TMEM154: variants seen among roughly 807,000 people sequenced by gnomAD.
The protein encoded by TMEM154 is transmembrane protein 154.
A neutral mutation model predicts 24.5 loss-of-function variants in TMEM154; 27 were observed. That is an observed-to-expected ratio of 1.10 (90% confidence interval 0.81 to 1.52). TMEM154 has a LOEUF of 1.52. TMEM154 is among the 40% of genes most tolerant of loss of function. The pLI, the probability that TMEM154 is intolerant of heterozygous loss-of-function variation, is 0.00. For synonymous variants in TMEM154, 67 were observed against 76.8 expected (o/e 0.87, Z 0.67); for missense variants, 228 against 213.4 (o/e 1.07, Z -0.43).
chr4:152,666,032 C>T (rs915560347), intron 1 of TMEM154, among the ~76,000 whole-genome samples: 1 of 152,024 alleles, frequency 6.6e-6, no homozygotes, highest in African/African-American at 2.4e-5. Flanking sequence ...TCAAGCGATC[C>T]TGCTTCAGCC....
In TMEM154 at chr4:152,619,665, A is replaced by G. The variant is rs1579501667; in HGVS notation, c.*8881T>C. 1 of 152,328 alleles carries G rather than the reference A, an allele frequency of 6.6e-6. No individual in the cohort carries two copies. Among genetic ancestry groups the G allele is most frequent in the East Asian group, 1.9e-4 (1 of 5,184 alleles). The allele number at this position is 152,328 out of a possible 1,614,324, so 9.4% of individuals were successfully genotyped here. A position where few individuals can be genotyped will look rare whatever the true frequency, so the allele number is the denominator to read the frequency against. ...AGCTGCCATGCTGTGAAGAAGCCCA[A>G]GGAGTCTATGGAGAGGCCCACATCA... On this transcript the variant is annotated 3_prime_UTR_variant, in exon 7 of 7. Coordinates refer to ENST00000304385, the MANE Select transcript of TMEM154 (RefSeq NM_152680.3).
At position 152,664,134 on chromosome 4, in the gene TMEM154, T is replaced by C. The variant is rs544244722; in HGVS notation, c.65-11207A>G. On this transcript the variant is annotated intron_variant, in intron 1 of 6. Transcript: ENST00000304385. ...GACATGGAACCAACCCAAATGCCCATCAATGATAGACTGGATAAAGAAAAT... is the reference window on the plus strand; with the variant it reads ...GACATGGAACCAACCCAAATGCCCACCAATGATAGACTGGATAAAGAAAAT... Among the ~76,000 whole-genome samples the C allele has an allele frequency of 2.2e-3, 340 of 152,256 alleles. 1 individual carries two copies. The highest frequency in any genetic ancestry group is 7.5e-3 in the African/African-American group (313 of 41,542).
In TMEM154 at chr4:152,626,901, G is replaced by A. The variant is rs1751932623; in HGVS notation, c.*1645C>T. 1 of 152,194 alleles carries A rather than the reference G, an allele frequency of 6.6e-6. No individual in the cohort carries two copies. Among genetic ancestry groups the A allele is most frequent in the African/African-American group, 2.4e-5 (1 of 41,454 alleles). The allele number at this position is 152,194 out of a possible 1,614,324, so 9.4% of individuals were successfully genotyped here. ...GGCATAAATATCTGAGAGTCACTGT[G>A]GGCCATGAGTTGAAAAGGAACATGC... On this transcript the variant is annotated 3_prime_UTR_variant, in exon 7 of 7. Transcript: ENST00000304385.
chr4:152,620,562 TG>T lies in TMEM154; in HGVS notation c.*7983del, dbSNP rs1199593329. ...TAGACAAGGCTGGAGTACAATGGTG[TG>T]ATCTCATCTCACTGTAACCTCCGCC... On this transcript the variant is annotated 3_prime_UTR_variant, in exon 7 of 7. Coordinates refer to ENST00000304385, the MANE Select transcript of TMEM154 (RefSeq NM_152680.3). The T allele has an allele frequency of 2.0e-5, 3 of 152,062 alleles. No individual in the cohort carries two copies. Among genetic ancestry groups the T allele is most frequent in the African/African-American group, 7.3e-5 (3 of 41,374 alleles). The allele number at this position is 152,062 out of a possible 1,614,324, so 9.4% of individuals were successfully genotyped here.
At chr4:152,628,886 CTG>C (rs1751977997) in intron 6 of TMEM154, among the ~76,000 whole-genome samples, 1 of 151,526 alleles carries the variant, frequency 6.6e-6, no homozygotes, top group Non-Finnish European at 1.5e-5. Context: ...ACCTTGTGAT[CTG>C]CCCACCTTGA....
At chr4:152,661,284 T>TTC (rs70949609) in intron 1 of TMEM154, among the ~76,000 whole-genome samples, 2,140 of 63,268 alleles carry the variant, frequency 0.034, 270 homozygotes, top group Non-Finnish European at 0.042. Flanking sequence ...ATTGTTCTCT[T>TTC]TCTCTCTCTC....
intron 3 of TMEM154, chr4:152,646,695 C>T (rs12646680): frequency 4.3e-4 from 177 of 412,602 alleles, no homozygotes; most frequent in African/African-American, 3.2e-3. Context: ...TACTTCCCCC[C>T]CACTTAGCCT....
chr4:152,644,349 C>CAGCT lies in TMEM154; in HGVS notation c.392+62_392+65dup, dbSNP rs769745829. On this transcript the variant is annotated intron_variant, in intron 4 of 6. Coordinates refer to ENST00000304385, the MANE Select transcript of TMEM154 (RefSeq NM_152680.3). ...GTCAGAACAAAAACACCTGAAAAGG[C>CAGCT]AGCTGTCCACCTTAACAGTTGCTGT... is the stretch of plus-strand genomic sequence containing the variant. 297 of 1,565,344 alleles carry CAGCT rather than the reference C, an allele frequency of 1.9e-4. 1 individual carries two copies. Among genetic ancestry groups the CAGCT allele is most frequent in the Non-Finnish European group, 2.4e-4 (269 of 1,136,036 alleles).
chr4:152,658,205 T>C (rs923464490), intron 1 of TMEM154, among the ~76,000 whole-genome samples: 3 of 151,940 alleles, frequency 2.0e-5, no homozygotes, highest in African/African-American at 7.3e-5. Flanking sequence ...AAGAAAGAAA[T>C]TAAGGAGGAA....
chr4:152,644,356 C>T, intron 4 of TMEM154, 59 bp downstream of exon 4: 3 of 1,582,434 alleles, frequency 1.9e-6, no homozygotes, highest in South Asian at 1.1e-5. Context: ...AGGCAGCTGT[C>T]CACCTTAACA....
intron 6 of TMEM154, among the ~76,000 whole-genome samples, chr4:152,634,053 A>G (rs1276243559): frequency 1.3e-5 from 2 of 151,330 alleles, no homozygotes; most frequent in Admixed American, 6.6e-5. Flanking sequence ...AAAAAAAAAA[A>G]AAAAGAAAGT....
chr4:152,628,166 G>T lies in TMEM154; in HGVS notation c.*380C>A. ...GAAACCATCGATAAAACAGCTTCCT[G>T]ATTTAGGCCCTAAGGAATGAAGCAG... On this transcript the variant is annotated 3_prime_UTR_variant, in exon 7 of 7. Coordinates refer to ENST00000304385, the MANE Select transcript of TMEM154 (RefSeq NM_152680.3). 4.2e-6 allele frequency: 1 copy of T among 237,230 alleles called. No individual in the cohort carries two copies. The highest frequency in any genetic ancestry group is 5.2e-5 in the Admixed American group (1 of 19,352). 14.7% of individuals were successfully genotyped at this position (237,230 alleles called of 1,614,324 possible).
intron 1 of TMEM154, among the ~76,000 whole-genome samples, chr4:152,661,913 A>G (rs1728621211): frequency 6.6e-6 from 1 of 152,092 alleles, no homozygotes; most frequent in East Asian, 1.9e-4. Context: ...ATATACAAGT[A>G]TAAGTATTGT....
At chr4:152,651,718 A>G (rs955414582) in intron 3 of TMEM154, among the ~76,000 whole-genome samples, 2 of 152,228 alleles carry the variant, frequency 1.3e-5, no homozygotes, top group Non-Finnish European at 2.9e-5. Flanking sequence ...TTCACTGAGT[A>G]GCACTTTTAG....
In TMEM154 at chr4:152,643,151, G is replaced by T; in HGVS notation, c.415C>A (p.Pro139Thr). The T allele has an allele frequency of 6.2e-7, 1 of 1,611,200 alleles. No homozygotes were observed. ...TCCATTTCAATTTCCATAACAGAGG[G>T]TGTATCTTCCTCAAAAATAGGGCTA... is the stretch of plus-strand genomic sequence containing the variant. ...VKVPIFEEDT[P>T]SVMEIEMEEL... Residue 139 changes from proline (P) to threonine (T), a missense_variant, in exon 5 of 7, where the codon CCC becomes ACC. Coordinates refer to ENST00000304385, the MANE Select transcript of TMEM154 (RefSeq NM_152680.3).
chr4:152,668,105 C>T (rs1728755566), intron 1 of TMEM154, among the ~76,000 whole-genome samples: 1 of 152,220 alleles, frequency 6.6e-6, no homozygotes, highest in Non-Finnish European at 1.5e-5. Flanking sequence ...TTTGAAGTCA[C>T]TCACTTGGGG....
At position 152,620,537 on chromosome 4, in the gene TMEM154, T is replaced by A. The variant is rs558443499; in HGVS notation, c.*8009A>T. ...TGTTTGTTTTTTTGTTGTTTTTTTT[T>A]AGACAAGGCTGGAGTACAATGGTGT... On this transcript the variant is annotated 3_prime_UTR_variant, in exon 7 of 7. Coordinates refer to ENST00000304385, the MANE Select transcript of TMEM154 (RefSeq NM_152680.3). 6.6e-6 allele frequency: 1 copy of A among 151,882 alleles called. No homozygotes were observed. Among genetic ancestry groups the A allele is most frequent in the African/African-American group, 2.4e-5 (1 of 41,432 alleles). The allele number at this position is 151,882 out of a possible 1,614,324, so 9.4% of individuals were successfully genotyped here.
Position 152,628,509 on chromosome 4 carries a change from G to A in TMEM154, c.*37C>T. On this transcript the variant is annotated 3_prime_UTR_variant, in exon 7 of 7. Transcript: ENST00000304385. ...GGCAGCCTCAGCAGACTCCCTCAGG[G>A]GCTGCTTCTCTTGGAAAACATGAGC... is the stretch of plus-strand genomic sequence containing the variant. 3 of 1,462,456 alleles carry A rather than the reference G, an allele frequency of 2.1e-6. No homozygotes were observed. The highest frequency in any genetic ancestry group is 2.8e-6 in the Non-Finnish European group (3 of 1,086,252). The allele number at this position is 1,462,456 out of a possible 1,614,324, so 90.6% of individuals were successfully genotyped here.
intron 1 of TMEM154, among the ~76,000 whole-genome samples, chr4:152,668,200 C>T (rs897416226): frequency 2.0e-5 from 3 of 151,434 alleles, no homozygotes; most frequent in Non-Finnish European, 2.9e-5. Flanking sequence ...TTAAAGAATG[C>T]GTATTTTTAG....
Sources: allele counts gnomAD v4.1 joint callset (sites outside exome capture counted in the v4.1 genomes callset), GRCh38; gene constraint gnomAD v4.1.1; transcripts MANE v1.5; gene names NCBI Gene and HGNC (gene_info 2026-07-23, HGNC 2026-07-21).